DAPK1: variants seen among roughly 807,000 people sequenced by gnomAD.
DAPK1 encodes death associated protein kinase 1.
DAPK1 carries 56 observed loss-of-function variants against 144.9 expected under a neutral mutation model. The observed-to-expected ratio is 0.39, with a 90% confidence interval of 0.31 to 0.48. The LOEUF (loss-of-function observed/expected upper bound fraction) is 0.48. Among genes scored for constraint, DAPK1 ranks in the 20% least tolerant of loss-of-function variants. DAPK1 has a pLI of 0.95. For missense variants in DAPK1, 1,454 were observed against 1,875.4 expected, an observed-to-expected ratio of 0.78 and a Z score of 4.15; for synonymous variants, 690 against 749.0, an observed-to-expected ratio of 0.92 and a Z score of 1.29.
At chr9:87,605,272 G>A in intron 3 of DAPK1, 97 bp downstream of exon 3, 1 of 1,003,546 alleles carries the variant, frequency 1.0e-6, no homozygotes, top group South Asian at 1.4e-5. Context: ...CCCGAGAGAG[G>A]GATCAGGAAT....
At chr9:87,648,138 G>A (rs551556904) in intron 14 of DAPK1, among the ~76,000 whole-genome samples, 10 of 152,346 alleles carry the variant, frequency 6.6e-5, no homozygotes, top group African/African-American at 2.2e-4. Context: ...TCAGAGACAC[G>A]CATTTATTAT....
intron 3 of DAPK1, among the ~76,000 whole-genome samples, chr9:87,628,200 C>T (rs186626653): frequency 5.3e-5 from 8 of 152,308 alleles, no homozygotes; most frequent in African/African-American, 7.2e-5. Context: ...CTATGAGAAT[C>T]CATGCGGCTC....
Position 87,706,255 on chromosome 9 carries a change from G to C in DAPK1, c.3184G>C (p.Gly1062Arg). The C allele has an allele frequency of 1.2e-6, 2 of 1,613,896 alleles. No individual in the cohort carries two copies. Among genetic ancestry groups the C allele is most frequent in the South Asian group, 2.2e-5 (2 of 91,048 alleles). ...CCCACGGGCGCTGCACCACTACCGG[G>C]GCCGCTACACCGTGGAGGACATCCA... Reference protein sequence around the residue: ...ETPRALHHYRGRYTVEDIQRL... With the variant: ...ETPRALHHYRRRYTVEDIQRL... The change falls in exon 26 of 26, where the codon GGC (glycine) becomes CGC (arginine). Residue 1062 changes from glycine to arginine, a missense_variant. By Grantham distance (125) the Gly-to-Arg change is moderately radical. Coordinates refer to ENST00000408954, the MANE Select transcript of DAPK1 (RefSeq NM_004938.4). The surrounding 1 kb of genome is among the most constrained non-coding windows in gnomAD (Gnocchi z 9.0).
chr9:87,618,908 G>A (rs76016357), intron 3 of DAPK1, among the ~76,000 whole-genome samples: 4 of 152,302 alleles, frequency 2.6e-5, no homozygotes, highest in East Asian at 3.9e-4. Context: ...TGTATGGTGC[G>A]TGAATTATAT....
chr9:87,519,223 G>C (rs1177045409), intron 2 of DAPK1, among the ~76,000 whole-genome samples: 1 of 152,206 alleles, frequency 6.6e-6, no homozygotes, highest in African/African-American at 2.4e-5. Context: ...GGCAGCAATG[G>C]CAGGCACCTC....
At chr9:87,667,832 G>A (rs1442137870) in intron 18 of DAPK1, 3 of 152,148 alleles carry the variant, frequency 2.0e-5, no homozygotes, top group African/African-American at 7.2e-5. Context: ...CTCCCCAGTG[G>A]CAGGGGAACA....
intron 19 of DAPK1, among the ~76,000 whole-genome samples, chr9:87,674,625 G>A (rs1224983611): frequency 1.3e-5 from 2 of 151,814 alleles, no homozygotes; most frequent in Admixed American, 6.6e-5. Flanking sequence ...TTGGGGAGTT[G>A]CCCAGATTGA....
intron 22 of DAPK1, among the ~76,000 whole-genome samples, chr9:87,697,429 T>C (rs1326703839): frequency 1.3e-5 from 2 of 152,242 alleles, no homozygotes; most frequent in African/African-American, 4.8e-5. Context: ...GTGTTCGTGG[T>C]ATTCTGCAGG....
At chr9:87,625,659 T>G (rs984665836) in intron 3 of DAPK1, among the ~76,000 whole-genome samples, 2 of 152,202 alleles carry the variant, frequency 1.3e-5, no homozygotes, top group Admixed American at 1.3e-4. Flanking sequence ...GCAGCCATTG[T>G]TAACATCCAC....
At chr9:87,508,361 T>A (rs1468042578) in intron 2 of DAPK1, among the ~76,000 whole-genome samples, 4 of 149,306 alleles carry the variant, frequency 2.7e-5, no homozygotes, top group East Asian at 2.0e-4. Flanking sequence ...TTTTTTTTTT[T>A]AAACGGAGTC....
At chr9:87,680,334 G>C (rs945502337) in intron 19 of DAPK1, among the ~76,000 whole-genome samples, 1 of 152,156 alleles carries the variant, frequency 6.6e-6, no homozygotes, top group African/African-American at 2.4e-5. Context: ...TCCATCTCCT[G>C]ACCCTGGTGA....
intron 2 of DAPK1, among the ~76,000 whole-genome samples, chr9:87,528,934 T>C (rs1392887576): frequency 6.6e-6 from 1 of 150,446 alleles, no homozygotes; most frequent in African/African-American, 2.4e-5. Flanking sequence ...TGCCGCACTA[T>C]ATACCCTGGT....
chr9:87,554,622 C>CA (rs1826631236), intron 2 of DAPK1, among the ~76,000 whole-genome samples: 1 of 152,168 alleles, frequency 6.6e-6, no homozygotes, highest in Non-Finnish European at 1.5e-5. Context: ...TTAGGGCGCT[C>CA]ATGTAGATCC....
chr9:87,638,217 A>G (rs1829970204), intron 4 of DAPK1, 136 bp downstream of exon 4: 8 of 954,726 alleles, frequency 8.4e-6, no homozygotes, highest in Middle Eastern at 4.7e-4. Flanking sequence ...AAATATCACT[A>G]TAAATCGGCA....
chr9:87,686,625 C>G lies in DAPK1; in HGVS notation c.2299C>G (p.Pro767Ala). Residue 767 changes from proline (P) to alanine (A), a missense_variant, in exon 21 of 26, where the codon CCG (proline) becomes GCG (alanine). Pro to Ala is a conservative substitution (Grantham distance 27, BLOSUM62 -1). Transcript: ENST00000408954. This position sits in a 1 kb window ranked among gnomAD's most constrained non-coding sequence, Gnocchi z 4.2. ...SVRSRSMMFE[P>A]GLTKGMLEVF... The stretch of plus-strand genomic sequence containing the variant: ...GAGGAGCCGCAGCATGATGTTCGAG[C>G]CGGGTCTTACCAAAGGGATGCTGGA... 6.2e-7 allele frequency: 1 copy of G among 1,609,792 alleles called. No individual in the cohort carries two copies. The highest frequency in any genetic ancestry group is 1.7e-4 in the Middle Eastern group (1 of 6,026).
rs754050422 is a variant in DAPK1 at position 87,707,093 on chromosome 9, C to A, written c.4022C>A (p.Ala1341Glu). 6 of 1,614,052 alleles carry A rather than the reference C, an allele frequency of 3.7e-6. No homozygotes were observed. Among genetic ancestry groups the A allele is most frequent in the Non-Finnish European group, 4.2e-6 (5 of 1,179,960 alleles). Residue 1341 changes from alanine to glutamate, a missense_variant, in exon 26 of 26, where the codon GCA becomes GAA. This residue lies in a region of DAPK1 where 1,025 missense variants were observed against 1,237.9 expected (regional missense o/e 0.83). Coordinates refer to ENST00000408954, the MANE Select transcript of DAPK1 (RefSeq NM_004938.4). This position sits in a 1 kb window ranked among gnomAD's most constrained non-coding sequence, Gnocchi z 4.0. ...AACTTAGGCCTCCCTGACCTCGTGG[C>A]AAAGTACAACACCAGTAACGGGGCT... ...AMNLGLPDLVAKYNTSNGAPK... is the reference protein window; with the variant it reads ...AMNLGLPDLVEKYNTSNGAPK...
In DAPK1 at chr9:87,548,913, C is replaced by CTTTTT. The variant is rs11291160; in HGVS notation, c.62+49797_62+49801dup. On this transcript the variant is annotated intron_variant, in intron 2 of 25. Coordinates refer to ENST00000408954, the MANE Select transcript of DAPK1 (RefSeq NM_004938.4). ...ACCACCCACTGAGTGGATTTCATTCCTTTTTTTTTTTTTTTTTTTTTTTTT... is the reference window on the plus strand; with the variant it reads ...ACCACCCACTGAGTGGATTTCATTCCTTTTTTTTTTTTTTTTTTTTTTTTTTTTTT... 3.6e-4 allele frequency among the ~76,000 whole-genome samples: 23 copies of CTTTTT among 63,864 alleles called. 1 individual carries two copies. Among genetic ancestry groups the CTTTTT allele is most frequent in the African/African-American group, 8.5e-4 (13 of 15,222 alleles). 41.9% of individuals were successfully genotyped at this position (63,864 alleles called of 152,430 possible).
intron 2 of DAPK1, among the ~76,000 whole-genome samples, chr9:87,583,598 G>C (rs908536758): frequency 6.6e-6 from 1 of 152,194 alleles, no homozygotes. Flanking sequence ...GAAAATCTAA[G>C]CTTGCGGCCT....
chr9:87,597,176 C>T (rs1212434524), intron 2 of DAPK1, among the ~76,000 whole-genome samples: 1 of 152,186 alleles, frequency 6.6e-6, no homozygotes, highest in African/African-American at 2.4e-5. Context: ...AGCCAAGTTA[C>T]TGGTGCCTGC....
Sources: gnomAD v4.1 joint callset for allele counts (sites outside exome capture counted in the v4.1 genomes callset) on GRCh38, gnomAD v4.1.1 for gene constraint, gnomAD v4.1.1 regional missense constraint, Gnocchi (gnomAD v3.1) non-coding constraint, MANE v1.5 for transcripts, NCBI Gene and HGNC (gene_info 2026-07-23, HGNC 2026-07-21) for gene names.